The following FARP1 variants were observed in gnomAD, a reference collection of about 807,000 sequenced individuals.
FARP1 encodes FERM, ARH/RhoGEF and pleckstrin domain protein 1.
Under a neutral mutation model 128.8 loss-of-function variants are expected in FARP1, and 52 were observed. The observed-to-expected ratio is 0.40, with a 90% CI of 0.32 to 0.51. The LOEUF is 0.51. Ranked by LOEUF, FARP1 falls within the 20% of genes least tolerant of loss-of-function variation. The pLI is 0.45. For missense variants in FARP1, 1,333 were observed against 1,367.9 expected, an observed-to-expected ratio of 0.97 and a Z score of 0.40; for synonymous variants, 580 against 551.8, an observed-to-expected ratio of 1.05 and a Z score of -0.72.
intron 2 of FARP1, among the ~76,000 whole-genome samples, chr13:98,312,832 A>G (rs1435619461): frequency 6.6e-6 from 1 of 152,118 alleles, no homozygotes; most frequent in African/African-American, 2.4e-5. Flanking sequence ...CTTCTCCCTC[A>G]GCTGGGCTCA....
chr13:98,206,379 A>G (rs1231380400), intron 1 of FARP1, among the ~76,000 whole-genome samples: 1 of 152,090 alleles, frequency 6.6e-6, no homozygotes, highest in Non-Finnish European at 1.5e-5. Context: ...CAATCTCACT[A>G]TGTCCAGGGA....
rs1447298907 is a variant in FARP1, at chr13:98,154,532, A to G, written c.-24+11040A>G. Reference sequence around the variant, plus strand: ...TTGAAGGAGTGGATTGGAAAGAGCAATTTGTGTGTAAAATCTCGAGGCCCA... The same window carrying G: ...TTGAAGGAGTGGATTGGAAAGAGCAGTTTGTGTGTAAAATCTCGAGGCCCA... On this transcript the variant is annotated intron_variant, in intron 1 of 26. Transcript: ENST00000319562. 2.0e-5 allele frequency among the ~76,000 whole-genome samples: 3 copies of G among 152,248 alleles called. No homozygotes were observed. The East Asian group carries it at 5.8e-4, about 29-fold the overall frequency.
chr13:98,159,173 C>T (rs985520800), intron 1 of FARP1, among the ~76,000 whole-genome samples: 1 of 152,152 alleles, frequency 6.6e-6, no homozygotes, highest in Non-Finnish European at 1.5e-5. Context: ...GTGCTATTCC[C>T]ACGGCCAGTT....
At chr13:98,351,054 G>A (rs547535351) in intron 3 of FARP1, among the ~76,000 whole-genome samples, 1 of 130,126 alleles carries the variant, frequency 7.7e-6, no homozygotes, top group East Asian at 2.0e-4. Flanking sequence ...GCCCAGCCTC[G>A]CCTCCCCTGC....
intron 1 of FARP1, among the ~76,000 whole-genome samples, chr13:98,153,805 C>T (rs544733609): frequency 1.1e-4 from 16 of 151,900 alleles, no homozygotes; most frequent in South Asian, 6.3e-4. Context: ...TTAGGTGATC[C>T]GCCTGCCTCA....
intron 2 of FARP1, among the ~76,000 whole-genome samples, chr13:98,287,989 A>G (rs1163158262): frequency 1.3e-5 from 2 of 151,918 alleles, no homozygotes; most frequent in Admixed American, 1.3e-4. Flanking sequence ...TTTAGTAGAG[A>G]CAGAGTTTCA....
chr13:98,406,740 A>G (rs1264857337), intron 13 of FARP1: 1 of 152,314 alleles, frequency 6.6e-6, no homozygotes, highest in Non-Finnish European at 1.5e-5. Context: ...TCTCCTCTGT[A>G]GCACAGTGGG....
Position 98,181,690 on chromosome 13 carries a change from G to A in FARP1, c.-23-31530G>A, listed in dbSNP as rs190799777. On this transcript the variant is annotated intron_variant, in intron 1 of 26. Coordinates refer to ENST00000319562, the MANE Select transcript of FARP1 (RefSeq NM_005766.4). ...TCACTGTTGCCCAGGGGTGTGTGGC[G>A]CAATCACAGTTCAGTGTAACCTCAA... is the stretch of plus-strand genomic sequence containing the variant. Among the ~76,000 whole-genome samples the A allele has an allele frequency of 1.6e-4, 24 of 150,866 alleles. No homozygotes were observed. The East Asian group carries it at 3.9e-3, about 24-fold the overall frequency.
chr13:98,444,882 C>T (rs184639354), intron 24 of FARP1, among the ~76,000 whole-genome samples: 13 of 152,356 alleles, frequency 8.5e-5, no homozygotes, highest in African/African-American at 3.1e-4. Flanking sequence ...TGGGCATCAG[C>T]CCAGCCCTGG....
At chr13:98,295,092 CACACACACACACATAT>C (rs61621593) in intron 2 of FARP1, among the ~76,000 whole-genome samples, 28,481 of 83,990 alleles carry the variant, frequency 0.34, 4,004 homozygotes, top group East Asian at 0.4. Flanking sequence ...CACACACACA[CACACACACACACATAT>C]ATCCCCAGGC....
intron 19 of FARP1, among the ~76,000 whole-genome samples, chr13:98,436,430 T>C (rs969685433): frequency 4.6e-5 from 7 of 152,372 alleles, no homozygotes; most frequent in Admixed American, 2.0e-4. Context: ...AATCTCTCTC[T>C]GGGATCTTTA....
chr13:98,173,380 A>T lies in FARP1; in HGVS notation c.-24+29888A>T, dbSNP rs549456102. Among the ~76,000 whole-genome samples the T allele has an allele frequency of 1.2e-4, 19 of 152,304 alleles. No homozygotes were observed. The South Asian group carries it at 3.5e-3, about 28-fold the overall frequency. On this transcript the variant is annotated intron_variant, in intron 1 of 26. Coordinates refer to ENST00000319562, the MANE Select transcript of FARP1 (RefSeq NM_005766.4). ...TTTGTGTATTTCAGGATATTAATCA[A>T]TCTGGGTACAGTGTTTTCAGGTTTT...
intron 2 of FARP1, among the ~76,000 whole-genome samples, chr13:98,255,262 G>A (rs1276675921): frequency 1.1e-4 from 17 of 152,194 alleles, no homozygotes; most frequent in Non-Finnish European, 5.9e-5. Flanking sequence ...CACTTTGGGA[G>A]GTGGAGGCGG....
At position 98,368,602 on chromosome 13, in the gene FARP1, C is replaced by A. The variant is rs111964234; in HGVS notation, c.398+407C>A. Among the ~76,000 whole-genome samples, 221 of 152,314 alleles carry A rather than the reference C, an allele frequency of 1.5e-3. 4 individuals are homozygous for A. The highest frequency in any genetic ancestry group is 5.1e-3 in the African/African-American group (210 of 41,570). ...GTCAATTCTTTTCAAAGTGTGACCG[C>A]GTGGAAGAAGTGCAGGCATTGAGTC... On this transcript the variant is annotated intron_variant, in intron 5 of 26. Coordinates refer to ENST00000319562, the MANE Select transcript of FARP1 (RefSeq NM_005766.4).
chr13:98,208,550 A>T (rs1425176334), intron 1 of FARP1: 1 of 152,758 alleles, frequency 6.5e-6, no homozygotes, highest in East Asian at 1.9e-4. Flanking sequence ...TCTGAGACAG[A>T]CAGTGTTAGC....
chr13:98,217,490 G>A (rs1287932033), intron 2 of FARP1, among the ~76,000 whole-genome samples: 4 of 152,180 alleles, frequency 2.6e-5, no homozygotes, highest in East Asian at 1.9e-4. Context: ...TAACTTTCTC[G>A]TGTTGCTGTC....
At chr13:98,182,330 C>G (rs918814811) in intron 1 of FARP1, among the ~76,000 whole-genome samples, 1 of 151,830 alleles carries the variant, frequency 6.6e-6, no homozygotes, top group African/African-American at 2.4e-5. Flanking sequence ...TTTATTTAAT[C>G]GATTTTATTT....
intron 2 of FARP1, among the ~76,000 whole-genome samples, chr13:98,310,893 A>G (rs995405404): frequency 6.6e-6 from 1 of 152,178 alleles, no homozygotes; most frequent in Non-Finnish European, 1.5e-5. Context: ...GCAGGGTCAG[A>G]GTCCCCTTCC....
intron 2 of FARP1, among the ~76,000 whole-genome samples, chr13:98,259,283 GTATA>G (rs1188897992): frequency 6.7e-6 from 1 of 149,450 alleles, no homozygotes; most frequent in Non-Finnish European, 1.5e-5. Context: ...TGTATATAGA[GTATA>G]TATATAATAC....
Sources: allele counts gnomAD v4.1 joint callset (sites outside exome capture counted in the v4.1 genomes callset), GRCh38; gene constraint gnomAD v4.1.1; transcripts MANE v1.5; gene names NCBI Gene and HGNC (gene_info 2026-07-23, HGNC 2026-07-21).